NADK: variants seen among roughly 807,000 people sequenced by gnomAD.
The protein encoded by NADK is poly(P)/ATP NAD kinase.
In NADK, 22 loss-of-function variants were observed where a neutral mutation model predicts 49.8. The observed-to-expected ratio is 0.44, with a 90% confidence interval of 0.32 to 0.63. The LOEUF is 0.63. Ranked by LOEUF, NADK falls within the 30% of genes least tolerant of loss-of-function variation. The pLI is 0.06. For synonymous variants in NADK, 268 were observed against 253.7 expected (o/e 1.06, Z -0.54); for missense variants, 438 against 609.4 (o/e 0.72, Z 2.96).
At chr1:1,762,181 C>G in intron 2 of NADK, 146 bp from the exon 3 acceptor site, 1 of 707,878 alleles carries the variant, frequency 1.4e-6, no homozygotes, top group East Asian at 2.8e-5. Flanking sequence ...ACACAATAGC[C>G]CTTGGAAGGT....
At chr1:1,765,615 C>T (rs1645862204) in intron 1 of NADK, among the ~76,000 whole-genome samples, 169 bp from the exon 2 acceptor site, 1 of 152,164 alleles carries the variant, frequency 6.6e-6, no homozygotes, top group Non-Finnish European at 1.5e-5. Flanking sequence ...TATTTAAGAA[C>T]TACTCTAGGT....
At chr1:1,763,906 G>GA (rs941765097) in intron 2 of NADK, among the ~76,000 whole-genome samples, 6 of 150,684 alleles carry the variant, frequency 4.0e-5, no homozygotes, top group Admixed American at 6.6e-5. Flanking sequence ...GAACCCACAG[G>GA]AAAAAAAAAT....
chr1:1,771,132 T>C (rs890159996), intron 1 of NADK, among the ~76,000 whole-genome samples: 1 of 148,286 alleles, frequency 6.7e-6, no homozygotes, highest in African/African-American at 2.5e-5. Flanking sequence ...TATATATACA[T>C]ATATATGATC....
At chr1:1,753,209 C>T in intron 11 of NADK, 149 bp from the exon 12 acceptor site, 1 of 968,898 alleles carries the variant, frequency 1.0e-6, no homozygotes, top group Non-Finnish European at 1.5e-6. Flanking sequence ...TTGAGCAGTG[C>T]CCCATGGGTG....
chr1:1,768,124 T>C (rs957372824), intron 1 of NADK, among the ~76,000 whole-genome samples: 5 of 150,810 alleles, frequency 3.3e-5, no homozygotes, highest in Admixed American at 2.0e-4. Context: ...TGAGCCGAGA[T>C]TGTGCCACTG....
chr1:1,755,539 C>A (rs886197700), intron 6 of NADK, 63 bp from the exon 7 acceptor site: 182 of 1,224,838 alleles, frequency 1.5e-4, no homozygotes, highest in Middle Eastern at 8.6e-4. Flanking sequence ...ACCCAGCTTT[C>A]CAGCAGCACC....
chr1:1,768,527 G>A (rs1645954126), intron 1 of NADK, among the ~76,000 whole-genome samples: 1 of 152,208 alleles, frequency 6.6e-6, no homozygotes, highest in South Asian at 2.1e-4. Context: ...TTGCACTCCA[G>A]CCTAGGCAAT....
At chr1:1,759,281 G>A (rs1476455836) in intron 3 of NADK, 11 of 1,524,256 alleles carry the variant, frequency 7.2e-6, no homozygotes, top group Non-Finnish European at 9.7e-6. Context: ...GGCACGCACG[G>A]CTGTGGGTAC....
intron 1 of NADK, among the ~76,000 whole-genome samples, 166 bp from the exon 2 acceptor site, chr1:1,765,612 G>T (rs1645862112): frequency 6.6e-6 from 1 of 152,158 alleles, no homozygotes; most frequent in South Asian, 2.1e-4. Context: ...AGATATTTAA[G>T]AACTACTCTA....
At chr1:1,760,772 T>TG (rs775728560) in intron 3 of NADK, among the ~76,000 whole-genome samples, 1 of 151,888 alleles carries the variant, frequency 6.6e-6, no homozygotes, top group Non-Finnish European at 1.5e-5. Flanking sequence ...AAGGCTTCTC[T>TG]GGGGAAGAGG....
intron 1 of NADK, among the ~76,000 whole-genome samples, chr1:1,777,909 T>C (rs1646258555): frequency 6.6e-6 from 1 of 152,202 alleles, no homozygotes; most frequent in African/African-American, 2.4e-5. Context: ...TGGGCCCCTC[T>C]AAGCTTTCAC....
At position 1,778,116 on chromosome 1, in the gene NADK, G is replaced by T. The variant is rs1206165701; in HGVS notation, c.-41+173C>A. The stretch of plus-strand genomic sequence containing the variant: ...CCGAGCCTCGCCCTGGGCCGTGCTG[G>T]TGCCCCATTCGGGACGGAGCGGTGG... On this transcript the variant is annotated intron_variant, in intron 1 of 11. Transcript: ENST00000341426. The surrounding 1 kb of genome is among the most constrained non-coding windows in gnomAD (Gnocchi z 4.9). Among the ~76,000 whole-genome samples, 2 of 152,228 alleles carry T rather than the reference G, an allele frequency of 1.3e-5. No homozygotes were observed. The highest frequency in any genetic ancestry group is 2.9e-5 in the Non-Finnish European group (2 of 68,036).
chr1:1,753,446 T>G (rs1289046229), intron 11 of NADK, 121 bp downstream of exon 11: 1 of 768,072 alleles, frequency 1.3e-6, no homozygotes, highest in Admixed American at 2.7e-5. Context: ...ACCCAGGGAC[T>G]CAGGCCCTGT....
At chr1:1,757,155 G>A in intron 4 of NADK, 26 bp downstream of exon 4, 1 of 1,299,244 alleles carries the variant, frequency 7.7e-7, no homozygotes. Flanking sequence ...TGCACCCCAG[G>A]CCCCCTTCCC....
chr1:1,766,674 T>C (rs981905785), intron 1 of NADK, among the ~76,000 whole-genome samples: 5 of 150,390 alleles, frequency 3.3e-5, no homozygotes, highest in East Asian at 1.9e-4. Flanking sequence ...CACCCTTTTT[T>C]CCCCTTTTTC....
chr1:1,755,380 T>A lies in NADK; in HGVS notation c.682A>T (p.Ile228Leu), dbSNP rs766780187. 1.2e-6 allele frequency: 2 copies of A among 1,612,066 alleles called. No individual in the cohort carries two copies. The highest frequency in any genetic ancestry group is 4.5e-5 in the East Asian group (2 of 44,884). ...CCAGAACATTCCAACTCACCCTCTA[T>A]CACCTGAGTAACTTGGGACTGAAAG... ...ENFQSQVTQVIEGNAAVVLRS... is the reference protein window; with the variant it reads ...ENFQSQVTQVLEGNAAVVLRS... The change falls in exon 7 of 12, where the codon ATA becomes TTA. Residue 228 changes from isoleucine to leucine, a missense_variant. Coordinates refer to ENST00000341426, the MANE Select transcript of NADK (RefSeq NM_023018.5).
rs1183576485 is a variant in NADK at position 1,759,880 on chromosome 1, ATG to A, written c.263+2070_263+2071del. On this transcript the variant is annotated intron_variant, in intron 3 of 11. Transcript: ENST00000341426. The stretch of plus-strand genomic sequence containing the variant: ...ACGGCTGGTGAAGGCAGCAGCTGAG[ATG>A]CGAGTGACAAAGGAGTGGCTCTGCC... The A allele has an allele frequency of 2.6e-6, 4 of 1,550,580 alleles. No homozygotes were observed. The East Asian group carries it at 9.8e-5, about 38-fold the overall frequency.
chr1:1,761,899 C>T (rs1645736677), intron 3 of NADK, 53 bp downstream of exon 3: 2 of 1,553,972 alleles, frequency 1.3e-6, no homozygotes, highest in East Asian at 4.5e-5. Flanking sequence ...ACATGATGGT[C>T]TAGGGGTTCT....
rs762087083 is a variant in NADK, at chr1:1,754,504, A to AC, written c.843+39dup. 9.6e-5 allele frequency: 45 copies of AC among 468,246 alleles called. No individual in the cohort carries two copies. Among genetic ancestry groups the AC allele is most frequent in the Non-Finnish European group, 1.4e-4 (40 of 294,348 alleles). 29.0% of individuals were successfully genotyped at this position (468,246 alleles called of 1,614,324 possible). On this transcript the variant is annotated intron_variant, in intron 8 of 11. Transcript: ENST00000341426. The surrounding 1 kb of genome is among the most constrained non-coding windows in gnomAD (Gnocchi z 4.3). ...TCATCCCTGGGACCGAAGTCGCCCC[A>AC]CCCTGGGCCCCTCACCGAGGCCGAG...
Sources: gnomAD v4.1 joint callset for allele counts (sites outside exome capture counted in the v4.1 genomes callset) on GRCh38, gnomAD v4.1.1 for gene constraint, Gnocchi (gnomAD v3.1) non-coding constraint, MANE v1.5 for transcripts, NCBI Gene and HGNC (gene_info 2026-07-23, HGNC 2026-07-21) for gene names.